The following KRT83 variants were observed in gnomAD, a reference collection of about 807,000 sequenced individuals.
KRT83 encodes keratin, type II cuticular Hb3.
A neutral mutation model predicts 52.9 loss-of-function variants in KRT83; 51 were observed. The ratio of observed to expected loss-of-function variants is 0.96; its 90% CI spans 0.77 to 1.22. The LOEUF is 1.22. Ranked by LOEUF, KRT83 falls within the 50% of genes most tolerant of loss-of-function variation. The pLI, the probability that KRT83 is intolerant of heterozygous loss-of-function variation, is 0.00. For missense variants in KRT83, 654 were observed against 666.5 expected (o/e 0.98, Z 0.21); for synonymous variants, 278 against 274.1 (o/e 1.01, Z -0.14).
chr12:52,316,549 C>T lies in KRT83; in HGVS notation c.960G>A (p.Leu320=), dbSNP rs781477861. 1.2e-6 allele frequency: 2 copies of T among 1,614,172 alleles called. No individual in the cohort carries two copies. The highest frequency in any genetic ancestry group is 1.1e-5 in the South Asian group (1 of 91,088). Residue 320 remains leucine (L), a synonymous_variant, in exon 6 of 9, where the codon CTG becomes CTA. Coordinates refer to ENST00000293670, the MANE Select transcript of KRT83 (RefSeq NM_002282.3). The part of the protein sequence containing the change: ...KATVIRHGET[L]RRTKEEINEL... ...CGTTGATCTCCTCCTTGGTGCGGCG[C>T]AGGGTCTCCCCGTGCCTGATCACTG...
chr12:52,316,378 G>T lies in KRT83; in HGVS notation c.1041+90C>A. 3.2e-6 allele frequency: 5 copies of T among 1,582,660 alleles called. No individual in the cohort carries two copies. The East Asian group carries it at 9.0e-5, about 28-fold the overall frequency. On this transcript the variant is annotated intron_variant, in intron 6 of 8. Coordinates refer to ENST00000293670, the MANE Select transcript of KRT83 (RefSeq NM_002282.3). ...TCTGTCACCCATGAGACTGCACTGG[G>T]AAGACTTTTCCAGAATCTAACTCAA...
At chr12:52,317,823 T>G (rs749798679) in intron 3 of KRT83, 47 bp from the exon 4 acceptor site, 1 of 1,612,650 alleles carries the variant, frequency 6.2e-7, no homozygotes, top group Non-Finnish European at 8.5e-7. Flanking sequence ...CTCAGAGGGC[T>G]CTGAGGACCT....
Position 52,320,952 on chromosome 12 carries a change from C to T in KRT83, c.384G>A (p.Lys128=). 1 of 1,613,880 alleles carries T rather than the reference C, an allele frequency of 6.2e-7. No homozygotes were observed. The highest frequency in any genetic ancestry group is 8.5e-7 in the Non-Finnish European group (1 of 1,179,868). Residue 128 remains lysine (K), a splice_region_variant and synonymous_variant, in exon 1 of 9, where the codon AAG becomes AAA. Coordinates refer to ENST00000293670, the MANE Select transcript of KRT83 (RefSeq NM_002282.3). Reference sequence around the variant, plus strand: ...GGGTGTGATCCAGGACGACACCCACCTTGTCGATGAAGGCCGCGAATCTGC... The same window carrying T: ...GGGTGTGATCCAGGACGACACCCACTTTGTCGATGAAGGCCGCGAATCTGC... ...LNSRFAAFID[K]VRFLEQQNKL...
At chr12:52,315,561 C>T (rs1938673195) in intron 7 of KRT83, among the ~76,000 whole-genome samples, 1 of 152,194 alleles carries the variant, frequency 6.6e-6, no homozygotes, top group Non-Finnish European at 1.5e-5. Flanking sequence ...TCTTATTTGT[C>T]TCTCAGCTGT....
In KRT83 at chr12:52,316,692, GCAAC is replaced by G. The variant is rs752936069; in HGVS notation, c.916-103_916-100del. On this transcript the variant is annotated intron_variant, in intron 5 of 8. Coordinates refer to ENST00000293670, the MANE Select transcript of KRT83 (RefSeq NM_002282.3). ...ACAGATTGTGCAGTGCTCGGCCTGT[GCAAC>G]CACACGTGGCAGTCCTGCCCTGCCA... 2.5e-5 allele frequency: 40 copies of G among 1,601,756 alleles called. No homozygotes were observed. In the East Asian group the frequency reaches 8.0e-4, roughly 32 times the overall value.
intron 2 of KRT83, among the ~76,000 whole-genome samples, chr12:52,318,292 C>T (rs1191499478): frequency 6.6e-6 from 1 of 152,128 alleles, no homozygotes; most frequent in Non-Finnish European, 1.5e-5. Flanking sequence ...TCTCCCCTCT[C>T]AGCCTCCCGA....
In KRT83 at chr12:52,315,337, A is replaced by G. The variant is rs758002752; in HGVS notation, c.1269T>C (p.Cys423=). The change falls in exon 8 of 9, where the codon TGT becomes TGC. Residue 423 remains cysteine, a synonymous_variant. Coordinates refer to ENST00000293670, the MANE Select transcript of KRT83 (RefSeq NM_002282.3). Reference sequence around the variant, plus strand: ...AGACATTCACAGCTTCAACACCTTCACACAGCCTGAGTGGGGAAAAAGTAA... The same window carrying G: ...AGACATTCACAGCTTCAACACCTTCGCACAGCCTGAGTGGGGAAAAAGTAA... The part of the protein sequence containing the change: ...RLLEGEEQRL[C]EGVEAVNVCV... The G allele has an allele frequency of 3.1e-6, 5 of 1,613,808 alleles. No individual in the cohort carries two copies. The Admixed American group carries it at 8.3e-5, about 27-fold the overall frequency.
In KRT83 at chr12:52,319,093, C is replaced by T. The variant is rs1366069883; in HGVS notation, c.593+63G>A. 94 of 1,609,838 alleles carry T rather than the reference C, an allele frequency of 5.8e-5. No individual in the cohort carries two copies. The South Asian group carries it at 6.5e-4, about 11-fold the overall frequency. On this transcript the variant is annotated intron_variant, in intron 2 of 8. Transcript: ENST00000293670. ...GCCAGCTGCAGACTGGATACTCCTC[C>T]GGGCTCAGGGAGCTGCCACCATGCT...
chr12:52,315,287 C>T, intron 8 of KRT83, 25 bp downstream of exon 8: 1 of 1,612,412 alleles, frequency 6.2e-7, no homozygotes, highest in Non-Finnish European at 8.5e-7. Flanking sequence ...TCTACATTTT[C>T]CTTTTCAGGG....
At chr12:52,315,854 T>C in intron 7 of KRT83, 39 bp downstream of exon 7, 2 of 1,611,910 alleles carry the variant, frequency 1.2e-6, no homozygotes, top group African/African-American at 1.3e-5. Flanking sequence ...GGTGGGCAGG[T>C]CTATGCAAGT....
At chr12:52,317,376 A>G (rs1938703651) in intron 4 of KRT83, among the ~76,000 whole-genome samples, 1 of 152,126 alleles carries the variant, frequency 6.6e-6, no homozygotes, top group Non-Finnish European at 1.5e-5. Flanking sequence ...AATGGGTTCA[A>G]TTCTGTTTGA....
Position 52,321,276 on chromosome 12 carries a change from G to C in KRT83, c.60C>G (p.Val20=), listed in dbSNP as rs1194839781. The change falls in exon 1 of 9, where the codon GTC becomes GTG. Residue 20 remains valine, a synonymous_variant. Coordinates refer to ENST00000293670, the MANE Select transcript of KRT83 (RefSeq NM_002282.3). ...GGCTTGGCCGGGGCCCGCAGGCAGAGACACAGCTGAAGTTTCCAGGGCGGA... is the reference window on the plus strand; with the variant it reads ...GGCTTGGCCGGGGCCCGCAGGCAGACACACAGCTGAAGTTTCCAGGGCGGA... ...CGFRPGNFSC[V]SACGPRPSRC... The C allele has an allele frequency of 2.5e-6, 4 of 1,613,478 alleles. No homozygotes were observed. The highest frequency in any genetic ancestry group is 2.5e-6 in the Non-Finnish European group (3 of 1,180,030).
chr12:52,314,890 G>T, intron 8 of KRT83, 72 bp from the exon 9 acceptor site: 1 of 1,403,630 alleles, frequency 7.1e-7, no homozygotes. Context: ...CCTTTGGTCT[G>T]TCTGATGTGT....
rs748796258 is a variant in KRT83 at position 52,316,561 on chromosome 12, G to A, written c.948C>T (p.His316=). ...CCTTGGTGCGGCGCAGGGTCTCCCC[G>A]TGCCTGATCACTGTGGCCTTCATCT... ...CEEMKATVIR[H]GETLRRTKEE... Residue 316 remains histidine (H), a synonymous_variant, in exon 6 of 9, where the codon CAC becomes CAT. Transcript: ENST00000293670. The A allele has an allele frequency of 1.7e-5, 28 of 1,613,986 alleles. No homozygotes were observed. Among genetic ancestry groups the A allele is most frequent in the East Asian group, 1.1e-4 (5 of 44,878 alleles).
In KRT83 at chr12:52,317,783, G is replaced by C. The variant is rs1938710239; in HGVS notation, c.655-7C>G. ...GGTAGGCGCAGTCCACATCCTGGGT[G>C]GGGTAGAAGGGGCTGTGAGGCCGGC... On this transcript the variant is annotated splice_polypyrimidine_tract_variant and splice_region_variant and intron_variant, in intron 3 of 8. Transcript: ENST00000293670. The C allele has an allele frequency of 1.2e-6, 2 of 1,613,862 alleles. No homozygotes were observed. Among genetic ancestry groups the C allele is most frequent in the East Asian group, 4.5e-5 (2 of 44,868 alleles).
intron 2 of KRT83, among the ~76,000 whole-genome samples, chr12:52,318,642 C>G (rs1283391320): frequency 6.6e-6 from 1 of 152,184 alleles, no homozygotes; most frequent in Non-Finnish European, 1.5e-5. Flanking sequence ...AAAGCAGATT[C>G]CTTCTGAGGA....
chr12:52,315,665 C>T (rs777194882), intron 7 of KRT83, among the ~76,000 whole-genome samples: 9 of 152,200 alleles, frequency 5.9e-5, no homozygotes, highest in African/African-American at 1.2e-4. Flanking sequence ...CTTGGGAAGA[C>T]GAGGTCAGGG....
chr12:52,316,755 C>T (rs114908165), intron 5 of KRT83, 104 bp downstream of exon 5: 2 of 1,603,214 alleles, frequency 1.2e-6, no homozygotes, highest in African/African-American at 1.3e-5. Context: ...TTTCTCTTAC[C>T]ATCCTTAGGG....
chr12:52,316,858 C>T lies in KRT83; in HGVS notation c.915+1G>A. On this transcript the variant is annotated splice_donor_variant, in intron 5 of 8. Coordinates refer to ENST00000293670, the MANE Select transcript of KRT83 (RefSeq NM_002282.3). LOFTEE classifies it high-confidence loss of function. ...GCAGGCAGGTGTCCTGTGCCGCTCA[C>T]CTTGCTGCGATACCAGGACTCGGCC... 4 of 1,614,178 alleles carry T rather than the reference C, an allele frequency of 2.5e-6. No homozygotes were observed. Among genetic ancestry groups the T allele is most frequent in the Non-Finnish European group, 3.4e-6 (4 of 1,180,030 alleles).
Sources: gnomAD v4.1 joint callset for allele counts (sites outside exome capture counted in the v4.1 genomes callset) on GRCh38, gnomAD v4.1.1 for gene constraint, MANE v1.5 for transcripts, NCBI Gene and HGNC (gene_info 2026-07-23, HGNC 2026-07-21) for gene names.